The following PTPRD variants were observed in gnomAD, a reference collection of about 807,000 sequenced individuals.
The protein encoded by PTPRD is receptor-type tyrosine-protein phosphatase delta.
In PTPRD, 34 loss-of-function variants were observed where a neutral mutation model predicts 214.5. That is an observed-to-expected ratio of 0.16 (90% CI 0.12 to 0.21). The LOEUF (loss-of-function observed/expected upper bound fraction) is 0.21. Among genes scored for constraint, PTPRD ranks in the 10% least tolerant of loss-of-function variants. The pLI is 1.00. For synonymous variants in PTPRD, 1,128 were observed against 845.7 expected, an observed-to-expected ratio of 1.33 and a Z score of -5.79; for missense variants, 2,545 against 2,398.7, an observed-to-expected ratio of 1.06 and a Z score of -1.27.
At chr9:8,373,816 GTATGTATGTATGTATGTATGTA>G (rs1310038087) in intron 39 of PTPRD, among the ~76,000 whole-genome samples, 1 of 96,468 alleles carries the variant, frequency 1.0e-5, no homozygotes, top group Non-Finnish European at 1.7e-5. Context: ...ATGTATGTAT[GTATGTATGTATGTATGTATGTA>G]TGTATGTATG....
At chr9:10,099,380 T>C (rs1203575760) in intron 3 of PTPRD, among the ~76,000 whole-genome samples, 1 of 151,734 alleles carries the variant, frequency 6.6e-6, no homozygotes, top group Non-Finnish European at 1.5e-5. Context: ...ATAGAGTCCA[T>C]TTTCCTAAGC....
At chr9:9,985,146 C>T (rs1008219784) in intron 4 of PTPRD, among the ~76,000 whole-genome samples, 1 of 152,204 alleles carries the variant, frequency 6.6e-6, no homozygotes, top group Non-Finnish European at 1.5e-5. Flanking sequence ...CTGTGGGTTA[C>T]AACCAGTGGG....
At chr9:9,799,592 C>T (rs1305208647) in intron 5 of PTPRD, 2 of 152,092 alleles carry the variant, frequency 1.3e-5, no homozygotes, top group African/African-American at 4.8e-5. Flanking sequence ...ATTCCATAAA[C>T]ACTAATGAGA....
rs766088715 is a variant in PTPRD, at chr9:8,341,701, C to T, written c.4939G>A (p.Glu1647Lys). The change falls in exon 40 of 46, where the codon GAA becomes AAA. Residue 1647 changes from glutamate to lysine, a missense_variant. By Grantham distance (56) the Glu-to-Lys change is moderately conservative (BLOSUM62 1). Coordinates refer to ENST00000381196, the MANE Select transcript of PTPRD (RefSeq NM_002839.4). ...TGENVTGMEL[E>K]FKRLASSKAH... ...CACATCCAATACCATACCTTAAATT[C>T]GAGCTCCATTCCTGTGACATTCTCT... 34 of 1,613,180 alleles carry T rather than the reference C, an allele frequency of 2.1e-5. No homozygotes were observed. Among genetic ancestry groups the T allele is most frequent in the African/African-American group, 2.7e-5 (2 of 74,848 alleles).
chr9:9,989,014 A>AC, intron 4 of PTPRD, among the ~76,000 whole-genome samples: 1 of 102,958 alleles, frequency 9.7e-6, no homozygotes, highest in Non-Finnish European at 2.0e-5. Context: ...AGTTTCACTG[A>AC]CCAAAAAAAA....
At chr9:9,185,984 A>C (rs1569560023) in intron 9 of PTPRD, among the ~76,000 whole-genome samples, 1 of 151,946 alleles carries the variant, frequency 6.6e-6, no homozygotes, top group East Asian at 1.9e-4. Context: ...ACTATTTAAC[A>C]TCAGTGAGAA....
intron 36 of PTPRD, among the ~76,000 whole-genome samples, chr9:8,392,248 G>A (rs2089851959): frequency 6.6e-6 from 1 of 152,048 alleles, no homozygotes; most frequent in African/African-American, 2.4e-5. Context: ...AAATTAGGCT[G>A]GCATGGTGGC....
chr9:9,457,841 T>C (rs1343479821), intron 8 of PTPRD, among the ~76,000 whole-genome samples: 1 of 152,016 alleles, frequency 6.6e-6, no homozygotes, highest in Non-Finnish European at 1.5e-5. Context: ...CCCCAGGGCA[T>C]TTTTTCCCCA....
At chr9:10,272,933 G>A (rs1174396968) in intron 3 of PTPRD, among the ~76,000 whole-genome samples, 7 of 152,176 alleles carry the variant, frequency 4.6e-5, no homozygotes, top group African/African-American at 9.7e-5. Flanking sequence ...TTGTCCATCA[G>A]TATTCTGTCT....
chr9:9,463,581 GA>G (rs1006571652), intron 8 of PTPRD, among the ~76,000 whole-genome samples: 10 of 151,876 alleles, frequency 6.6e-5, no homozygotes, highest in African/African-American at 2.4e-4. Flanking sequence ...TTCTAAGACT[GA>G]AAAAATACAA....
At chr9:8,918,614 G>C (rs967113064) in intron 11 of PTPRD, among the ~76,000 whole-genome samples, 1 of 152,128 alleles carries the variant, frequency 6.6e-6, no homozygotes, top group Non-Finnish European at 1.5e-5. Context: ...GTGATTACTT[G>C]TAGCCTATGT....
intron 11 of PTPRD, among the ~76,000 whole-genome samples, chr9:8,912,588 T>C (rs1037257247): frequency 6.6e-6 from 1 of 152,136 alleles, no homozygotes; most frequent in Non-Finnish European, 1.5e-5. Context: ...ACAAAAAACA[T>C]TGAATTGTAC....
chr9:9,838,327 C>G (rs1219776422), intron 5 of PTPRD, among the ~76,000 whole-genome samples: 2 of 151,938 alleles, frequency 1.3e-5, no homozygotes, highest in Non-Finnish European at 2.9e-5. Context: ...AGTTCTAGAT[C>G]CCTGAGGAAT....
intron 11 of PTPRD, among the ~76,000 whole-genome samples, chr9:8,914,696 C>A (rs766057437): frequency 6.6e-6 from 1 of 151,954 alleles, no homozygotes; most frequent in African/African-American, 2.4e-5. Flanking sequence ...ATAATGCTTA[C>A]GAAAGCATAA....
intron 14 of PTPRD, among the ~76,000 whole-genome samples, chr9:8,590,723 T>C (rs754509165): frequency 5.3e-5 from 8 of 152,276 alleles, no homozygotes; most frequent in African/African-American, 1.2e-4. Flanking sequence ...ATAGTAAATA[T>C]AGAAATACTA....
chr9:10,287,001 A>G (rs2095377855), intron 3 of PTPRD, among the ~76,000 whole-genome samples: 1 of 152,202 alleles, frequency 6.6e-6, no homozygotes, highest in African/African-American at 2.4e-5. Flanking sequence ...TGAAAATGCA[A>G]AAGTAAAGTT....
At chr9:10,013,722 C>T (rs534755626) in intron 4 of PTPRD, among the ~76,000 whole-genome samples, 1 of 152,002 alleles carries the variant, frequency 6.6e-6, no homozygotes, top group Non-Finnish European at 1.5e-5. Context: ...ATGCTGACAA[C>T]TTCAGAATTG....
intron 10 of PTPRD, among the ~76,000 whole-genome samples, chr9:9,180,269 A>C (rs1236618615): frequency 3.3e-5 from 5 of 152,040 alleles, no homozygotes; most frequent in Non-Finnish European, 7.4e-5. Context: ...ATGCAGCCAC[A>C]AAAAATGATG....
chr9:10,359,062 A>G (rs1256270962), intron 2 of PTPRD, among the ~76,000 whole-genome samples: 1 of 152,002 alleles, frequency 6.6e-6, no homozygotes, highest in Admixed American at 6.6e-5. Context: ...TCTAATACCT[A>G]ATGTCACAAT....
Sources: gnomAD v4.1 joint callset for allele counts (sites outside exome capture counted in the v4.1 genomes callset) on GRCh38, gnomAD v4.1.1 for gene constraint, MANE v1.5 for transcripts, NCBI Gene and HGNC (gene_info 2026-07-23, HGNC 2026-07-21) for gene names.